The following MGAT4C variants were observed in gnomAD, a reference collection of about 807,000 sequenced individuals.
MGAT4C encodes the protein MGAT4 family member C.
In MGAT4C, 19 loss-of-function variants were observed where a neutral mutation model predicts 40.1. That is an observed-to-expected ratio of 0.47 (90% CI 0.33 to 0.70). MGAT4C has a LOEUF of 0.70. Ranked by LOEUF, MGAT4C falls within the 30% of genes least tolerant of loss-of-function variation. The pLI, the probability that MGAT4C is intolerant of heterozygous loss-of-function variation, is 0.02. For missense variants in MGAT4C, 491 were observed against 563.2 expected (o/e 0.87, Z 1.30); for synonymous variants, 181 against 187.1 (o/e 0.97, Z 0.27).
intron 3 of MGAT4C, among the ~76,000 whole-genome samples, chr12:86,421,240 A>G (rs533448518): frequency 1.3e-5 from 2 of 152,256 alleles, no homozygotes; most frequent in South Asian, 2.1e-4. Context: ...TTACACAAAA[A>G]AAGTGTTTAG....
intron 2 of MGAT4C, among the ~76,000 whole-genome samples, chr12:86,710,113 T>C (rs980006345): frequency 1.3e-5 from 2 of 152,220 alleles, no homozygotes; most frequent in Non-Finnish European, 2.9e-5. Context: ...GAATTGTCAA[T>C]AGACATATTA....
At position 86,408,479 on chromosome 12, in the gene MGAT4C, C is replaced by CTCTCTCTCTCTA. The variant is rs1267344319; in HGVS notation, c.-120+26677_-120+26678insTAGAGAGAGAGA. ...TCTCTCTCTCTCTCTCTCTCTCTCT[C>CTCTCTCTCTCTA]TATATATATATATATATATATATAT... On this transcript the variant is annotated intron_variant, in intron 3 of 7. Coordinates refer to the MGAT4C transcript ENST00000548651. Among the ~76,000 whole-genome samples, 72 of 63,346 alleles carry CTCTCTCTCTCTA rather than the reference C, an allele frequency of 1.1e-3. 1 individual carries two copies. Among genetic ancestry groups the CTCTCTCTCTCTA allele is most frequent in the African/African-American group, 1.8e-3 (23 of 12,770 alleles). The allele number at this position is 63,346 out of a possible 152,430, so 41.6% of individuals were successfully genotyped here. A position where few individuals can be genotyped will look rare whatever the true frequency, so the allele number is the denominator to read the frequency against.
chr12:86,360,566 T>A (rs1479779304), intron 3 of MGAT4C, among the ~76,000 whole-genome samples: 1 of 152,168 alleles, frequency 6.6e-6, no homozygotes, highest in Non-Finnish European at 1.5e-5. Context: ...GCAGATTACA[T>A]GATTGTATAT....
chr12:86,476,593 GA>G (rs541370154), intron 2 of MGAT4C, among the ~76,000 whole-genome samples: 44 of 148,792 alleles, frequency 3.0e-4, no homozygotes, highest in African/African-American at 4.4e-4. Flanking sequence ...ATACCCAAAG[GA>G]AAAAAAAAAT....
Position 85,972,333 on chromosome 12 carries a change from C to T in MGAT4C, c.*6956G>A, listed in dbSNP as rs985770335. 2 of 150,972 alleles carry T rather than the reference C, an allele frequency of 1.3e-5. No homozygotes were observed. Among genetic ancestry groups the T allele is most frequent in the African/African-American group, 2.4e-5 (1 of 41,296 alleles). The allele number at this position is 150,972 out of a possible 1,614,324, so 9.4% of individuals were successfully genotyped here. A position where few individuals can be genotyped will look rare whatever the true frequency, so the allele number is the denominator to read the frequency against. On this transcript the variant is annotated 3_prime_UTR_variant, in exon 5 of 5. Coordinates refer to ENST00000611864, the MANE Select transcript of MGAT4C (RefSeq NM_001351288.2). ...ACAACTTATTTATTATGTACTTCTACACACAGCTAAGCTTATAGATATTTT... is the reference window on the plus strand; with the variant it reads ...ACAACTTATTTATTATGTACTTCTATACACAGCTAAGCTTATAGATATTTT...
At chr12:86,036,546 T>C (rs1003511073) in intron 2 of MGAT4C, among the ~76,000 whole-genome samples, 1 of 150,154 alleles carries the variant, frequency 6.7e-6, no homozygotes, top group Non-Finnish European at 1.5e-5. Context: ...CCTCATCTAT[T>C]GAGATAATCT....
intron 2 of MGAT4C, among the ~76,000 whole-genome samples, chr12:86,510,140 A>G (rs966922482): frequency 3.3e-5 from 5 of 152,162 alleles, no homozygotes; most frequent in Admixed American, 1.3e-4. Context: ...GTCTTGTGCC[A>G]GTTTTCAAAG....
chr12:86,080,516 GA>G (rs1410070109), intron 1 of MGAT4C, among the ~76,000 whole-genome samples: 3 of 152,042 alleles, frequency 2.0e-5, no homozygotes, highest in African/African-American at 7.3e-5. Flanking sequence ...ACAACAGAAG[GA>G]ACATAAAGTA....
intron 1 of MGAT4C, among the ~76,000 whole-genome samples, chr12:86,788,112 A>G (rs1951963410): frequency 6.6e-6 from 1 of 151,284 alleles, no homozygotes; most frequent in African/African-American, 2.4e-5. Flanking sequence ...TATATATTTT[A>G]AAATTTATGG....
intron 4 of MGAT4C, among the ~76,000 whole-genome samples, chr12:86,304,891 TCTC>T (rs1338102026): frequency 6.6e-6 from 1 of 150,522 alleles, no homozygotes; most frequent in Non-Finnish European, 1.5e-5. Flanking sequence ...AAGGAAGAGT[TCTC>T]CTCTACAGGT....
intron 2 of MGAT4C, among the ~76,000 whole-genome samples, chr12:85,992,664 T>C (rs892452048): frequency 5.3e-5 from 8 of 152,228 alleles, no homozygotes; most frequent in African/African-American, 1.9e-4. Context: ...TGTACATAAA[T>C]TTGTGGCAAA....
At chr12:86,425,427 A>G (rs911673069) in intron 3 of MGAT4C, among the ~76,000 whole-genome samples, 2 of 152,254 alleles carry the variant, frequency 1.3e-5, no homozygotes, top group South Asian at 2.1e-4. Context: ...CTCTCCTGCC[A>G]ACATGTAAGA....
chr12:86,318,152 G>C (rs907183467), intron 4 of MGAT4C, among the ~76,000 whole-genome samples: 4 of 152,052 alleles, frequency 2.6e-5, no homozygotes, highest in Non-Finnish European at 4.4e-5. Context: ...TCTGTGAGGA[G>C]AGATTTATTT....
chr12:86,331,159 C>G (rs972832652), intron 4 of MGAT4C, among the ~76,000 whole-genome samples: 1 of 152,034 alleles, frequency 6.6e-6, no homozygotes, highest in Non-Finnish European at 1.5e-5. Flanking sequence ...GGAAGAGGGC[C>G]AAGCAGGCAA....
intron 1 of MGAT4C, among the ~76,000 whole-genome samples, chr12:86,117,654 C>T (rs981113551): frequency 6.6e-6 from 1 of 152,060 alleles, no homozygotes; most frequent in African/African-American, 2.4e-5. Context: ...TTAAGAACTG[C>T]ACTGGTAATG....
chr12:86,284,229 A>C (rs910229685), intron 4 of MGAT4C, among the ~76,000 whole-genome samples: 1 of 151,994 alleles, frequency 6.6e-6, no homozygotes. Context: ...AACAGACTTA[A>C]TAGTAGGTAA....
intron 4 of MGAT4C, among the ~76,000 whole-genome samples, chr12:86,327,576 T>G (rs1392724271): frequency 6.6e-6 from 1 of 151,934 alleles, no homozygotes; most frequent in Non-Finnish European, 1.5e-5. Context: ...ATTATATAAA[T>G]CAAATTTGTT....
At chr12:86,276,175 A>AT (rs1043996337) in intron 4 of MGAT4C, among the ~76,000 whole-genome samples, 42 of 152,012 alleles carry the variant, frequency 2.8e-4, no homozygotes, top group African/African-American at 9.4e-4. Flanking sequence ...GTTTGTAGTG[A>AT]TTTTTTTACA....
chr12:86,345,488 T>A (rs1410030509), intron 3 of MGAT4C, among the ~76,000 whole-genome samples: 1 of 151,906 alleles, frequency 6.6e-6, no homozygotes, highest in East Asian at 2.0e-4. Context: ...ATGTGTTCTC[T>A]TTGTTCAATT....
Sources: allele counts gnomAD v4.1 joint callset (sites outside exome capture counted in the v4.1 genomes callset), GRCh38; gene constraint gnomAD v4.1.1; transcripts MANE v1.5; gene names NCBI Gene and HGNC (gene_info 2026-07-23, HGNC 2026-07-21).